Variants in TNRC18 observed in about 807,000 individuals in gnomAD.
TNRC18 encodes trinucleotide repeat containing 18, also known as trinucleotide repeat-containing gene 18 protein.
Under a neutral mutation model 226.7 loss-of-function variants are expected in TNRC18, and 69 were observed. The ratio of observed to expected loss-of-function variants is 0.30; its 90% CI spans 0.25 to 0.37. The LOEUF is 0.37. Among genes scored for constraint, TNRC18 ranks in the 10% least tolerant of loss-of-function variants. The probability of loss-of-function intolerance (pLI) is 1.00; values close to 1 mark genes in which losing one functional copy is unlikely to be tolerated. For synonymous variants in TNRC18, 2,449 were observed against 1,927.6 expected, an observed-to-expected ratio of 1.27 and a Z score of -7.09; for missense variants, 4,754 against 4,256.6, an observed-to-expected ratio of 1.12 and a Z score of -3.25.
rs1209201909 is a variant in TNRC18, at chr7:5,324,929, T to C, written c.6300+167A>G. ...AGGAGCAGAGTCCCCAGTATCTCCT[T>C]ATCCCTGGAGTGTGGGGACGGCCAC... On this transcript the variant is annotated intron_variant, in intron 20 of 29. Transcript: ENST00000430969. This position sits in a 1 kb window ranked among gnomAD's most constrained non-coding sequence, Gnocchi z 4.8. Among the ~76,000 whole-genome samples the C allele has an allele frequency of 6.6e-6, 1 of 152,058 alleles. No homozygotes were observed. Among genetic ancestry groups the C allele is most frequent in the East Asian group, 1.9e-4 (1 of 5,188 alleles).
rs1021618177 is a variant in TNRC18, at chr7:5,357,420, T to G, written c.4834-144A>C. On this transcript the variant is annotated intron_variant, in intron 15 of 29. Coordinates refer to ENST00000430969, the MANE Select transcript of TNRC18 (RefSeq NM_001080495.3). Reference sequence around the variant, plus strand: ...CCTCTTAGCACGCATATATATTTATTTTTTTTTTAGAGACGGAGTCTCGCT... The same window carrying G: ...CCTCTTAGCACGCATATATATTTATGTTTTTTTTAGAGACGGAGTCTCGCT... The G allele has an allele frequency of 2.3e-5, 22 of 960,440 alleles. No individual in the cohort carries two copies. In the African/African-American group the frequency reaches 3.3e-4, roughly 15 times the overall value. 59.5% of individuals were successfully genotyped at this position (960,440 alleles called of 1,614,324 possible). A position where few individuals can be genotyped will look rare whatever the true frequency, so the allele number is the denominator to read the frequency against.
At chr7:5,384,720 C>A (rs1779636058) in intron 5 of TNRC18, among the ~76,000 whole-genome samples, 2 of 152,198 alleles carry the variant, frequency 1.3e-5, no homozygotes, top group African/African-American at 4.8e-5. Flanking sequence ...GAGCAGGAGA[C>A]CTTTTTCCAT....
At position 5,308,271 on chromosome 7, in the gene TNRC18, C is replaced by T. The variant is rs768748383; in HGVS notation, c.8742G>A (p.Val2914=). 1.2e-6 allele frequency: 2 copies of T among 1,613,138 alleles called. No individual in the cohort carries two copies. The highest frequency in any genetic ancestry group is 1.7e-6 in the Non-Finnish European group (2 of 1,179,550). ...YQSSHVDEND[V]QTVSHKCLVV... ...CCAGGCACTTGTGCGACACCGTCTG[C>T]ACGTCATTTTCGTCCACATGCGAGG... The change falls in exon 30 of 30, where the codon GTG becomes GTA. Residue 2914 remains valine, a synonymous_variant. Coordinates refer to ENST00000430969, the MANE Select transcript of TNRC18 (RefSeq NM_001080495.3).
chr7:5,332,526 G>A (rs1583804099), intron 19 of TNRC18, 96 bp downstream of exon 19: 4 of 1,367,928 alleles, frequency 2.9e-6, no homozygotes, highest in East Asian at 2.9e-5. Flanking sequence ...GTTATTAACA[G>A]TGAAGCCGCT....
At chr7:5,412,099 G>A (rs73333861) in intron 2 of TNRC18, among the ~76,000 whole-genome samples, 2,033 of 152,106 alleles carry the variant, frequency 0.013, 50 homozygotes, top group African/African-American at 0.046. Context: ...TGAAGTGGGA[G>A]GCTCATTTGA....
rs916250947 is a variant in TNRC18 at position 5,309,672 on chromosome 7, G to A, written c.8389-304C>T. 6.6e-6 allele frequency among the ~76,000 whole-genome samples: 1 copy of A among 152,202 alleles called. No individual in the cohort carries two copies. The highest frequency in any genetic ancestry group is 2.4e-5 in the African/African-American group (1 of 41,458). ...GGCTGGAGCGCAGTGGCGCCATCATGACTCACTGCAGCCACGAACTCCTAG... is the reference window on the plus strand; with the variant it reads ...GGCTGGAGCGCAGTGGCGCCATCATAACTCACTGCAGCCACGAACTCCTAG... On this transcript the variant is annotated intron_variant, in intron 27 of 29. Coordinates refer to ENST00000430969, the MANE Select transcript of TNRC18 (RefSeq NM_001080495.3). This position sits in a 1 kb window ranked among gnomAD's most constrained non-coding sequence, Gnocchi z 5.7.
intron 2 of TNRC18, among the ~76,000 whole-genome samples, chr7:5,411,262 G>A (rs997976955): frequency 2.0e-5 from 3 of 151,486 alleles, no homozygotes; most frequent in Non-Finnish European, 4.4e-5. Flanking sequence ...GGGAGGTGGG[G>A]AAAGGTTCAT....
intron 14 of TNRC18, 98 bp downstream of exon 14, chr7:5,361,496 G>C (rs747028103): frequency 2.9e-6 from 4 of 1,358,204 alleles, no homozygotes; most frequent in Non-Finnish European, 3.8e-6. Flanking sequence ...CGAGGGACGC[G>C]AGGTCCCCCA....
At chr7:5,392,211 C>A (rs1048123331) in intron 3 of TNRC18, among the ~76,000 whole-genome samples, 2 of 152,208 alleles carry the variant, frequency 1.3e-5, no homozygotes, top group African/African-American at 4.8e-5. Flanking sequence ...TGCCTGTAAT[C>A]CCAGCATTTT....
chr7:5,335,911 C>A (rs10234709), intron 18 of TNRC18, among the ~76,000 whole-genome samples: 56,981 of 150,770 alleles, frequency 0.38, 11,176 homozygotes, highest in African/African-American at 0.41. Flanking sequence ...ATACAGTCCG[C>A]AATTACTAGA....
chr7:5,380,181 C>A (rs1486169915), intron 5 of TNRC18, among the ~76,000 whole-genome samples: 1 of 152,192 alleles, frequency 6.6e-6, no homozygotes, highest in African/African-American at 2.4e-5. Flanking sequence ...CAGAATGGCT[C>A]ACGCCTGTAA....
intron 5 of TNRC18, among the ~76,000 whole-genome samples, chr7:5,380,764 A>T (rs557539920): frequency 6.6e-6 from 1 of 152,306 alleles, no homozygotes; most frequent in African/African-American, 2.4e-5. Context: ...GGTCTCAGGC[A>T]GGACTGGGGC....
Position 5,370,887 on chromosome 7 carries a change from G to C in TNRC18, c.3707C>G (p.Thr1236Arg). The C allele has an allele frequency of 6.2e-7, 1 of 1,607,074 alleles. No individual in the cohort carries two copies. Among genetic ancestry groups the C allele is most frequent in the Non-Finnish European group, 8.5e-7 (1 of 1,179,728 alleles). Reference protein sequence around the residue: ...PEPRVDSPGRTEPCTAALDLG... With the variant: ...PEPRVDSPGRREPCTAALDLG... ...GTCCAGGGCGGCGGTGCAGGGTTCTGTCCGGCCCGGGGAATCCACCCGTGG... is the reference window on the plus strand; with the variant it reads ...GTCCAGGGCGGCGGTGCAGGGTTCTCTCCGGCCCGGGGAATCCACCCGTGG... Residue 1236 changes from threonine (T) to arginine (R), a missense_variant, in exon 11 of 30, where the codon ACA becomes AGA. Thr to Arg is a moderately conservative substitution (Grantham distance 71). Coordinates refer to ENST00000430969, the MANE Select transcript of TNRC18 (RefSeq NM_001080495.3).
chr7:5,412,683 G>T (rs1562639052), intron 2 of TNRC18, among the ~76,000 whole-genome samples: 1 of 152,142 alleles, frequency 6.6e-6, no homozygotes, highest in East Asian at 1.9e-4. Flanking sequence ...TGAAAAAATT[G>T]AGGTTTAGAA....
rs753366386 is a variant in TNRC18, at chr7:5,387,879, G to A, written c.1945C>T (p.Arg649Trp). ...CTCTCGGGGTCCCGCTTCAGCTGCC[G>A]GCCGCCGCCCGCTGCAGGGCCTCCG... ...HSGGPAAGGG[R>W]QLKRDPERPE... The change falls in exon 5 of 30, where the codon CGG (arginine) becomes TGG (tryptophan). Residue 649 changes from arginine (R) to tryptophan (W), a missense_variant. By Grantham distance (101) the Arg-to-Trp change is moderately radical. Coordinates refer to ENST00000430969, the MANE Select transcript of TNRC18 (RefSeq NM_001080495.3). 5 of 1,592,484 alleles carry A rather than the reference G, an allele frequency of 3.1e-6. No individual in the cohort carries two copies. Among genetic ancestry groups the A allele is most frequent in the Admixed American group, 1.8e-5 (1 of 56,878 alleles).
intron 8 of TNRC18, 121 bp downstream of exon 8, chr7:5,376,726 C>T (rs1357701851): frequency 1.1e-5 from 14 of 1,234,892 alleles, no homozygotes; most frequent in East Asian, 1.0e-4. Context: ...AACCCCGGTC[C>T]GCCTCCCCAG....
intron 2 of TNRC18, among the ~76,000 whole-genome samples, chr7:5,402,196 A>G (rs1781151638): frequency 6.6e-6 from 1 of 150,770 alleles, no homozygotes; most frequent in Non-Finnish European, 1.5e-5. Context: ...AAAAAAAAAA[A>G]AAAAAGAACA....
In TNRC18 at chr7:5,371,231, G is replaced by A. The variant is rs779362061; in HGVS notation, c.3363C>T (p.Pro1121=). 1.0e-5 allele frequency: 16 copies of A among 1,605,006 alleles called. No individual in the cohort carries two copies. Among genetic ancestry groups the A allele is most frequent in the Middle Eastern group, 1.7e-4 (1 of 6,054 alleles). ...CTTCGGGTGAGAGTGCCAGGCGCTC[G>A]GGCCCATCAGCCGGGAGCGGCACAT... is the stretch of plus-strand genomic sequence containing the variant. The part of the protein sequence containing the change: ...APDVPLPADG[P]ERLALSPEDK... The change falls in exon 11 of 30, where the codon CCC becomes CCT. Residue 1121 remains proline (P), a synonymous_variant. Coordinates refer to ENST00000430969, the MANE Select transcript of TNRC18 (RefSeq NM_001080495.3).
rs1345408243 is a variant in TNRC18, at chr7:5,388,348, C to G, written c.1476G>C (p.Lys492Asn). The G allele has an allele frequency of 6.3e-7, 1 of 1,583,862 alleles. No individual in the cohort carries two copies. The highest frequency in any genetic ancestry group is 8.6e-7 in the Non-Finnish European group (1 of 1,167,404). The change falls in exon 5 of 30, where the codon AAG (lysine) becomes AAC (asparagine). Residue 492 changes from lysine (K) to asparagine (N), a missense_variant. Coordinates refer to ENST00000430969, the MANE Select transcript of TNRC18 (RefSeq NM_001080495.3). ...PAGPAAQQAA[K>N]LFGLEPGRPP... is the part of the protein sequence containing the mutation. Reference sequence around the variant, plus strand: ...GGCGCCCGGGCTCCAGGCCGAAGAGCTTGGCGGCCTGTTGGGCTGCAGGAC... The same window carrying G: ...GGCGCCCGGGCTCCAGGCCGAAGAGGTTGGCGGCCTGTTGGGCTGCAGGAC...
Sources: allele counts gnomAD v4.1 joint callset (sites outside exome capture counted in the v4.1 genomes callset), GRCh38; gene constraint gnomAD v4.1.1; non-coding constraint Gnocchi (gnomAD v3.1); transcripts MANE v1.5; gene names NCBI Gene and HGNC (gene_info 2026-07-23, HGNC 2026-07-21).